PGBD2: variants seen among roughly 807,000 people sequenced by gnomAD.
The protein encoded by PGBD2 is piggyBac transposable element-derived protein 2.
Under a neutral mutation model 8.1 loss-of-function variants are expected in PGBD2, and 6 were observed. The ratio of observed to expected loss-of-function variants is 0.74; its 90% CI spans 0.40 to 1.46. The LOEUF (loss-of-function observed/expected upper bound fraction) is 1.46, where lower values mean the gene tolerates loss of function less well. Among genes scored for constraint, PGBD2 ranks in the 40% most tolerant of loss-of-function variants. PGBD2 has a pLI of 0.02. For missense variants in PGBD2, 802 were observed against 739.0 expected, an observed-to-expected ratio of 1.09 and a Z score of -0.99; for synonymous variants, 318 against 272.2, an observed-to-expected ratio of 1.17 and a Z score of -1.66.
chr1:248,892,989 C>T, the PGBD2 span, among the ~76,000 whole-genome samples: 3 of 152,196 alleles, frequency 2.0e-5, no homozygotes, highest in African/African-American at 7.2e-5. Context: ...TACAACTGCA[C>T]AGGGAAAAGA....
At chr1:248,873,571 T>G in the PGBD2 span, among the ~76,000 whole-genome samples, 1 of 152,222 alleles carries the variant, frequency 6.6e-6, no homozygotes, top group Non-Finnish European at 1.5e-5. Flanking sequence ...TAGCTCGAGC[T>G]TTGCCTTTCT....
At chr1:248,873,758 A>G in the PGBD2 span, among the ~76,000 whole-genome samples, 1 of 152,180 alleles carries the variant, frequency 6.6e-6, no homozygotes, top group Non-Finnish European at 1.5e-5. Context: ...GCGACCAGTC[A>G]GTAGGGTTCC....
chr1:248,917,335 C>G lies in PGBD2; in HGVS notation c.751C>G (p.Arg251Gly). The G allele has an allele frequency of 6.2e-7, 1 of 1,614,174 alleles. No individual in the cohort carries two copies. Among genetic ancestry groups the G allele is most frequent in the Non-Finnish European group, 8.5e-7 (1 of 1,180,026 alleles). The change falls in exon 3 of 3, where the codon CGG becomes GGG. Residue 251 changes from arginine (R) to glycine (G), a missense_variant. Arg to Gly is a moderately radical substitution (Grantham distance 125). Transcript: ENST00000329291. The stretch of plus-strand genomic sequence containing the variant: ...TGCCAAGGTCAGACCTCTCATCATC[C>G]GGATGAACTGCAATTTCCAGAAGCA... ...RFAKVRPLII[R>G]MNCNFQKHAP... is the part of the protein sequence containing the mutation.
At chr1:248,896,986 C>A in the PGBD2 span, among the ~76,000 whole-genome samples, 10 of 152,168 alleles carry the variant, frequency 6.6e-5, no homozygotes. Flanking sequence ...ATTTTCCTCC[C>A]CATTTAATTA....
chr1:248,914,352 G>A (rs1167490367), intron 2 of PGBD2: 1 of 956,800 alleles, frequency 1.0e-6, no homozygotes, highest in Non-Finnish European at 1.2e-6. Context: ...CGTGAAGATG[G>A]CTGCTGTACC....
upstream of PGBD2, among the ~76,000 whole-genome samples, chr1:248,902,962 T>A (rs555564738): frequency 5.0e-3 from 763 of 151,264 alleles, 4 homozygotes; most frequent in Middle Eastern, 0.017. Context: ...GCATGGCACA[T>A]TTACCTATAT....
intron 1 of PGBD2, among the ~76,000 whole-genome samples, chr1:248,906,778 C>G (rs1661656335): frequency 6.6e-6 from 1 of 151,364 alleles, no homozygotes. Flanking sequence ...GGGGGCGGGT[C>G]GTTTTTAACT....
At chr1:248,919,763 CT>C (rs1235690491), downstream of PGBD2, 3 of 166,800 alleles carry the variant, frequency 1.8e-5, no homozygotes, top group Admixed American at 2.0e-4. Context: ...TATTGTCTGT[CT>C]TTTGGATTAC....
At chr1:248,916,234 A>G (rs1308245371) in intron 2 of PGBD2, among the ~76,000 whole-genome samples, 1 of 152,090 alleles carries the variant, frequency 6.6e-6, no homozygotes, top group Non-Finnish European at 1.5e-5. Context: ...TAACACGGTG[A>G]AACCCCATCT....
At chr1:248,902,355 G>A (rs1661549811), upstream of PGBD2, among the ~76,000 whole-genome samples, 1 of 151,962 alleles carries the variant, frequency 6.6e-6, no homozygotes, top group Non-Finnish European at 1.5e-5. Flanking sequence ...ATAGTTACTG[G>A]CAAGGTTGCA....
the PGBD2 span, among the ~76,000 whole-genome samples, chr1:248,890,242 C>G: frequency 6.6e-6 from 1 of 152,118 alleles, no homozygotes; most frequent in African/African-American, 2.4e-5. Context: ...CTTAAAAACT[C>G]TTACTCTGCA....
the PGBD2 span, among the ~76,000 whole-genome samples, chr1:248,899,787 T>G: frequency 7.2e-6 from 1 of 138,108 alleles, no homozygotes; most frequent in Non-Finnish European, 1.5e-5. Flanking sequence ...TCAGGAGCTG[T>G]TTTTTTTGGG....
rs1011658659 is a variant in PGBD2, at chr1:248,906,311, G to C, written c.-79G>C. The C allele has an allele frequency of 6.6e-6, 1 of 152,066 alleles. No homozygotes were observed. The highest frequency in any genetic ancestry group is 2.4e-5 in the African/African-American group (1 of 41,388). The allele number at this position is 152,066 out of a possible 1,614,324, so 9.4% of individuals were successfully genotyped here. On this transcript the variant is annotated 5_prime_UTR_variant, in exon 1 of 3. Transcript: ENST00000329291. ...TTCGGCGCGGCTCATGGTCCGGTTC[G>C]GGCTCGCGAGTCTCCGTCTGGGGTA...
the PGBD2 span, among the ~76,000 whole-genome samples, chr1:248,888,256 T>C: frequency 6.6e-6 from 1 of 152,314 alleles, no homozygotes; most frequent in East Asian, 1.9e-4. Context: ...AACAATATAT[T>C]TACCCTTGAA....
the PGBD2 span, among the ~76,000 whole-genome samples, chr1:248,896,346 A>C: frequency 1.3e-5 from 2 of 151,932 alleles, no homozygotes; most frequent in South Asian, 4.2e-4. Flanking sequence ...ATTTCTCATA[A>C]ATCTTTTCAT....
At chr1:248,913,067 G>A (rs1250749639) in intron 1 of PGBD2, among the ~76,000 whole-genome samples, 1 of 152,126 alleles carries the variant, frequency 6.6e-6, no homozygotes, top group East Asian at 1.9e-4. Context: ...CTCCCAAAGT[G>A]CTGGGATTAC....
intron 1 of PGBD2, among the ~76,000 whole-genome samples, chr1:248,911,725 G>A (rs1165031863): frequency 2.3e-4 from 35 of 150,620 alleles, no homozygotes; most frequent in African/African-American, 7.7e-4. Flanking sequence ...CCTCCCGGAC[G>A]GGGCGGCTGG....
At chr1:248,911,779 G>A (rs1030637289) in intron 1 of PGBD2, among the ~76,000 whole-genome samples, 49 of 151,912 alleles carry the variant, frequency 3.2e-4, no homozygotes, top group African/African-American at 1.1e-3. Context: ...CGGACGGGGT[G>A]GCTGGCCGGG....
At chr1:248,875,165 A>G in the PGBD2 span, among the ~76,000 whole-genome samples, 5 of 152,094 alleles carry the variant, frequency 3.3e-5, no homozygotes, top group African/African-American at 9.6e-5. Context: ...GCGTGGTGGC[A>G]GGTGCCTGTA....
Sources: gnomAD v4.1 joint callset for allele counts (sites outside exome capture counted in the v4.1 genomes callset) on GRCh38, gnomAD v4.1.1 for gene constraint, MANE v1.5 for transcripts, NCBI Gene and HGNC (gene_info 2026-07-23, HGNC 2026-07-21) for gene names.